The following FAM228B variants were observed in gnomAD, a reference collection of about 807,000 sequenced individuals.
The protein encoded by FAM228B is protein FAM228B.
In FAM228B, 38 loss-of-function variants were observed where a neutral mutation model predicts 42.6. The ratio of observed to expected loss-of-function variants is 0.89; its 90% CI spans 0.69 to 1.17. FAM228B has a LOEUF of 1.17. Among genes scored for constraint, FAM228B ranks in the 50% most tolerant of loss-of-function variants. The probability of loss-of-function intolerance (pLI) is 0.00; values close to 1 mark genes in which losing one functional copy is unlikely to be tolerated. For missense variants in FAM228B, 344 were observed against 367.3 expected (o/e 0.94, Z 0.52); for synonymous variants, 109 against 122.3 (o/e 0.89, Z 0.72).
At position 24,138,076 on chromosome 2, in the gene FAM228B, C is replaced by A; in HGVS notation, c.336C>A (p.Gly112=). 6.5e-6 allele frequency: 10 copies of A among 1,532,688 alleles called. No individual in the cohort carries two copies. Among genetic ancestry groups the A allele is most frequent in the Non-Finnish European group, 8.8e-6 (10 of 1,142,520 alleles). The allele number at this position is 1,532,688 out of a possible 1,614,324, so 94.9% of individuals were successfully genotyped here. The stretch of plus-strand genomic sequence containing the variant: ...AAAGGAGGCAAGGGGAATTAGATGG[C>A]TTTTTAAAACATGTAAATAAAAAGG... The part of the protein sequence containing the change: ...IKKRRQGELD[G]FLKHVNKKGN... Residue 112 remains glycine (G), a synonymous_variant, in exon 4 of 11, where the codon GGC becomes GGA. Transcript: ENST00000615575.
In FAM228B at chr2:24,084,212, G is replaced by A. The variant is rs1470950037; in HGVS notation, c.-210+3257G>A. The stretch of plus-strand genomic sequence containing the variant: ...ACCTGCATTAAGTCCGCCCGGTTCA[G>A]GGCGCTGGCCGCCACCTTCAGGAGG... On this transcript the variant is annotated intron_variant, in intron 2 of 10. Transcript: ENST00000613899. The surrounding 1 kb of genome is among the most constrained non-coding windows in gnomAD (Gnocchi z 8.4). The A allele has an allele frequency of 1.9e-6, 3 of 1,613,614 alleles. No homozygotes were observed. In the South Asian group the frequency reaches 3.3e-5, roughly 18 times the overall value.
Position 24,168,107 on chromosome 2 carries a change from A to T in FAM228B, c.*14+424A>T, listed in dbSNP as rs543763385. 142 of 194,320 alleles carry T rather than the reference A, an allele frequency of 7.3e-4. 3 individuals are homozygous for T. In the South Asian group the frequency reaches 0.014, roughly 20 times the overall value. The allele number at this position is 194,320 out of a possible 1,614,324, so 12.0% of individuals were successfully genotyped here. A position where few individuals can be genotyped will look rare whatever the true frequency, so the allele number is the denominator to read the frequency against. On this transcript the variant is annotated intron_variant, in intron 10 of 10. Coordinates refer to ENST00000615575, the MANE Select transcript of FAM228B (RefSeq NM_001145710.2). ...TAGATCCATTTCAGTATCTTTGTAG[A>T]TGCTCATCCTATACCCAAGAGGAGA...
chr2:24,140,834 C>T (rs1666724253), intron 5 of FAM228B, among the ~76,000 whole-genome samples: 1 of 151,582 alleles, frequency 6.6e-6, no homozygotes, highest in East Asian at 2.0e-4. Context: ...TGGTGGCATG[C>T]ACCTGTAGTC....
intron 7 of FAM228B, among the ~76,000 whole-genome samples, chr2:24,160,332 T>C (rs2151030527): frequency 6.6e-6 from 1 of 152,254 alleles, no homozygotes; most frequent in South Asian, 2.1e-4. Context: ...TTGTGCTTCC[T>C]GGATCTCTGT....
In FAM228B at chr2:24,169,564, G is replaced by A; in HGVS notation, c.*223G>A. 7.0e-6 allele frequency: 2 copies of A among 284,556 alleles called. No individual in the cohort carries two copies. Among genetic ancestry groups the A allele is most frequent in the South Asian group, 6.5e-5 (2 of 30,696 alleles). The allele number at this position is 284,556 out of a possible 1,614,324, so 17.6% of individuals were successfully genotyped here. On this transcript the variant is annotated 3_prime_UTR_variant, in exon 11 of 11. Coordinates refer to ENST00000615575, the MANE Select transcript of FAM228B (RefSeq NM_001145710.2). The surrounding 1 kb of genome is among the most constrained non-coding windows in gnomAD (Gnocchi z 4.2). ...CAGTGTCTGTGATAATTAAGAAATGGCAATACCATGTATTTTCCCCAGAAG... is the reference window on the plus strand; with the variant it reads ...CAGTGTCTGTGATAATTAAGAAATGACAATACCATGTATTTTCCCCAGAAG...
At chr2:24,125,095 T>C (rs1666272976) in intron 2 of FAM228B, among the ~76,000 whole-genome samples, 3 of 152,192 alleles carry the variant, frequency 2.0e-5, no homozygotes, top group African/African-American at 4.8e-5. Flanking sequence ...TTAAAGTGTG[T>C]GTCTGGCACT....
At chr2:24,142,394 A>G (rs1369438530) in intron 5 of FAM228B, 1 of 152,216 alleles carries the variant, frequency 6.6e-6, no homozygotes, top group Non-Finnish European at 1.5e-5. Context: ...CCTTCCCTTC[A>G]GATGGATCTT....
At chr2:24,137,239 C>T (rs1485325722) in intron 3 of FAM228B, among the ~76,000 whole-genome samples, 1 of 152,028 alleles carries the variant, frequency 6.6e-6, no homozygotes, top group Non-Finnish European at 1.5e-5. Flanking sequence ...GTGAATAATG[C>T]CGCAATGAAC....
chr2:24,094,029 CTTTTTTTTTTTTTTTTTTT>C (rs57620033), intron 2 of FAM228B, among the ~76,000 whole-genome samples: 1 of 77,394 alleles, frequency 1.3e-5, no homozygotes, highest in Non-Finnish European at 2.4e-5. Flanking sequence ...TCGCCACATA[CTTTTTTTTTTTTTTTTTTT>C]TTTTTTTTTA....
At chr2:24,135,489 A>G (rs1666559377) in intron 3 of FAM228B, among the ~76,000 whole-genome samples, 1 of 152,212 alleles carries the variant, frequency 6.6e-6, no homozygotes, top group South Asian at 2.1e-4. Context: ...AAGAGCTGTT[A>G]GCAGAACACA....
chr2:24,084,201 C>T lies in FAM228B; in HGVS notation c.-210+3246C>T, dbSNP rs145293140. On this transcript the variant is annotated intron_variant, in intron 2 of 10. Transcript: ENST00000613899. The surrounding 1 kb of genome is among the most constrained non-coding windows in gnomAD (Gnocchi z 8.4). The stretch of plus-strand genomic sequence containing the variant: ...GAGCCCTGGGTACCTGCATTAAGTC[C>T]GCCCGGTTCAGGGCGCTGGCCGCCA... 12 of 1,612,664 alleles carry T rather than the reference C, an allele frequency of 7.4e-6. No homozygotes were observed. Among genetic ancestry groups the T allele is most frequent in the Non-Finnish European group, 1.0e-5 (12 of 1,179,634 alleles).
intron 2 of FAM228B, among the ~76,000 whole-genome samples, chr2:24,090,088 A>T (rs1236620191): frequency 1.3e-5 from 2 of 151,550 alleles, no homozygotes; most frequent in Non-Finnish European, 2.9e-5. Flanking sequence ...CCTGGCTAAC[A>T]TGGTGTATTT....
chr2:24,109,578 C>T (rs1437348123), intron 3 of FAM228B, among the ~76,000 whole-genome samples: 1 of 152,130 alleles, frequency 6.6e-6, no homozygotes, highest in Non-Finnish European at 1.5e-5. Flanking sequence ...CTATAAGGAA[C>T]TTAAACAAAT....
chr2:24,146,704 C>A, intron 5 of FAM228B, 44 bp from the exon 6 acceptor site: 2 of 1,370,730 alleles, frequency 1.5e-6, no homozygotes, highest in African/African-American at 1.4e-5. Context: ...ATGTTTACTA[C>A]TCAGACTTGC....
Position 24,169,605 on chromosome 2 carries a change from G to T in FAM228B, c.*264G>T. Reference sequence around the variant, plus strand: ...TCCCCAGAAGTTAAGAAATATTGCTGAACGAACCAATAAAAATAATTACAG... The same window carrying T: ...TCCCCAGAAGTTAAGAAATATTGCTTAACGAACCAATAAAAATAATTACAG... On this transcript the variant is annotated 3_prime_UTR_variant, in exon 11 of 11. Coordinates refer to ENST00000615575, the MANE Select transcript of FAM228B (RefSeq NM_001145710.2). The surrounding 1 kb of genome is among the most constrained non-coding windows in gnomAD (Gnocchi z 4.2). 1 of 268,310 alleles carries T rather than the reference G, an allele frequency of 3.7e-6. No individual in the cohort carries two copies. 16.6% of individuals were successfully genotyped at this position (268,310 alleles called of 1,614,324 possible).
At chr2:24,123,913 C>T (rs1317694895) in intron 1 of FAM228B, among the ~76,000 whole-genome samples, 1 of 152,178 alleles carries the variant, frequency 6.6e-6, no homozygotes, top group African/African-American at 2.4e-5. Context: ...AAGACTCGCG[C>T]AGTATGACCG....
upstream of FAM228B, chr2:24,119,596 C>T (rs972395341): frequency 1.9e-6 from 3 of 1,613,600 alleles, no homozygotes; most frequent in Non-Finnish European, 2.5e-6. Context: ...CTGTGGCTTC[C>T]ACACAGATGC....
chr2:24,076,944 G>T, exon 1 of FAM228B: 1 of 164,094 alleles, frequency 6.1e-6, no homozygotes, highest in East Asian at 2.0e-4. Context: ...GGGGCCTGAG[G>T]AGGACTGAGC....
rs1486492895 is a variant in FAM228B, at chr2:24,077,130, T to C, written c.-290+161T>C. Among the ~76,000 whole-genome samples the C allele has an allele frequency of 4.1e-5, 5 of 121,708 alleles. No homozygotes were observed. Among genetic ancestry groups the C allele is most frequent in the African/African-American group, 1.6e-4 (5 of 31,522 alleles). The allele number at this position is 121,708 out of a possible 152,430, so 79.8% of individuals were successfully genotyped here. ...GGGGCCTGAGGAGGGCGGCGAGAGG[T>C]GGGGTGGGGCCCAGGTGAGTAGCGG... On this transcript the variant is annotated intron_variant, in intron 1 of 10. Coordinates refer to the FAM228B transcript ENST00000613899. The surrounding 1 kb of genome is among the most constrained non-coding windows in gnomAD (Gnocchi z 5.5).
Sources: allele counts gnomAD v4.1 joint callset (sites outside exome capture counted in the v4.1 genomes callset), GRCh38; gene constraint gnomAD v4.1.1; non-coding constraint Gnocchi (gnomAD v3.1); transcripts MANE v1.5; gene names NCBI Gene and HGNC (gene_info 2026-07-23, HGNC 2026-07-21).